The following SEMA5B variants were observed in gnomAD, a reference collection of about 807,000 sequenced individuals.
The protein encoded by SEMA5B is semaphorin-5B.
A neutral mutation model predicts 135.0 loss-of-function variants in SEMA5B; 66 were observed. The ratio of observed to expected loss-of-function variants is 0.49; its 90% confidence interval spans 0.40 to 0.60. The LOEUF is 0.60. Ranked by LOEUF, SEMA5B falls within the 20% of genes least tolerant of loss-of-function variation. The probability of loss-of-function intolerance (pLI) is 0.00; values close to 1 mark genes in which losing one functional copy is unlikely to be tolerated. For missense variants in SEMA5B, 1,501 were observed against 1,566.3 expected (o/e 0.96, Z 0.70); for synonymous variants, 690 against 639.5 (o/e 1.08, Z -1.19).
At chr3:122,931,081 G>A (rs1938948000) in intron 5 of SEMA5B, among the ~76,000 whole-genome samples, 1 of 152,010 alleles carries the variant, frequency 6.6e-6, no homozygotes, top group African/African-American at 2.4e-5. Flanking sequence ...TCAAATTAGT[G>A]ATGCACAGAG....
At chr3:122,981,590 A>G (rs1339791501) in intron 1 of SEMA5B, among the ~76,000 whole-genome samples, 2 of 152,224 alleles carry the variant, frequency 1.3e-5, no homozygotes, top group African/African-American at 2.4e-5. Flanking sequence ...CGAACTCCTG[A>G]ACAGCACACC....
At chr3:122,947,549 G>A (rs1035684742) in intron 3 of SEMA5B, among the ~76,000 whole-genome samples, 2 of 152,186 alleles carry the variant, frequency 1.3e-5, no homozygotes, top group South Asian at 2.1e-4. Flanking sequence ...GCAACGGATC[G>A]CTCTGCAGTG....
chr3:122,910,012 A>AC lies in SEMA5B; in HGVS notation c.*130dup, dbSNP rs1377407535. 1.6e-5 allele frequency: 15 copies of AC among 954,754 alleles called. No individual in the cohort carries two copies. The highest frequency in any genetic ancestry group is 1.1e-4 in the East Asian group (4 of 37,454). The allele number at this position is 954,754 out of a possible 1,614,324, so 59.1% of individuals were successfully genotyped here. ...CCAGAGCTCTCTGAAGCCGGATGGG[A>AC]CCCCCCACAGGCAAGGCAGCAAGTT... On this transcript the variant is annotated 3_prime_UTR_variant, in exon 23 of 23. Transcript: ENST00000357599.
chr3:122,994,887 C>T (rs797011071), intron 1 of SEMA5B, among the ~76,000 whole-genome samples: 14 of 152,304 alleles, frequency 9.2e-5, no homozygotes, highest in African/African-American at 3.4e-4. Context: ...ATGCTGGATC[C>T]TTTATTTCTT....
At position 122,913,041 on chromosome 3, in the gene SEMA5B, G is replaced by A. The variant is rs570827098; in HGVS notation, c.2527C>T (p.Arg843Cys). Residue 843 changes from arginine (R) to cysteine (C), a missense_variant, in exon 18 of 23, where the codon CGC (arginine) becomes TGC (cysteine). Transcript: ENST00000357599. The stretch of plus-strand genomic sequence containing the variant: ...GTGTGCGGGGAGGTGCTCCCGCTGC[G>A]CAGGAGGACCTCCACCAGGGCTGCG... ...DTDALVEVLL[R>C]SGSTSPHTVS... 2.8e-5 allele frequency: 43 copies of A among 1,556,512 alleles called. No individual in the cohort carries two copies. Among genetic ancestry groups the A allele is most frequent in the East Asian group, 1.4e-4 (6 of 41,896 alleles).
rs1002273695 is a variant in SEMA5B at position 122,919,936 on chromosome 3, G to A, written c.1688+1979C>T. Among the ~76,000 whole-genome samples the A allele has an allele frequency of 2.6e-5, 4 of 152,282 alleles. No individual in the cohort carries two copies. In the East Asian group the frequency reaches 5.8e-4, roughly 22 times the overall value. ...GCTCCCCAGCCCCTCTCTGCAGAAT[G>A]TGAGCGCAGGCCTCCCTAGCACACC... is the stretch of plus-strand genomic sequence containing the variant. On this transcript the variant is annotated intron_variant, in intron 12 of 22. Coordinates refer to ENST00000357599, the MANE Select transcript of SEMA5B (RefSeq NM_001031702.4).
chr3:123,000,080 C>T (rs1309081861), intron 1 of SEMA5B, among the ~76,000 whole-genome samples: 3 of 152,132 alleles, frequency 2.0e-5, no homozygotes, highest in African/African-American at 7.2e-5. Context: ...TGGTGGCACA[C>T]GCCTGTAGTC....
chr3:122,915,960 G>A (rs777863056), intron 12 of SEMA5B, 70 bp from the exon 13 acceptor site: 38 of 1,111,664 alleles, frequency 3.4e-5, no homozygotes, highest in Non-Finnish European at 4.8e-5. Flanking sequence ...AGGAACACAC[G>A]TGAACACTCC....
chr3:122,972,368 C>CATAAAG (rs1440358401), intron 1 of SEMA5B, among the ~76,000 whole-genome samples: 4 of 152,256 alleles, frequency 2.6e-5, no homozygotes, highest in Admixed American at 1.3e-4. Flanking sequence ...GTTCTGCTGC[C>CATAAAG]CATGTATAAA....
intron 1 of SEMA5B, among the ~76,000 whole-genome samples, chr3:122,974,143 G>A (rs1447057224): frequency 2.0e-5 from 3 of 152,238 alleles, no homozygotes; most frequent in Non-Finnish European, 4.4e-5. Context: ...TGCAGGCGGG[G>A]AGGGAGAAGC....
intron 1 of SEMA5B, among the ~76,000 whole-genome samples, chr3:123,004,048 T>A (rs922132242): frequency 6.6e-6 from 1 of 152,158 alleles, no homozygotes; most frequent in African/African-American, 2.4e-5. Flanking sequence ...ATGTATCCAT[T>A]TATGGCCCAA....
intron 12 of SEMA5B, among the ~76,000 whole-genome samples, chr3:122,921,623 T>C (rs1407749326): frequency 6.6e-6 from 1 of 152,208 alleles, no homozygotes; most frequent in Non-Finnish European, 1.5e-5. Context: ...TGGCCCTAGC[T>C]ATGTGTTTGA....
rs182036271 is a variant in SEMA5B at position 122,939,721 on chromosome 3, T to A, written c.429-251A>T. Reference sequence around the variant, plus strand: ...TGGCCCAAGTCACCAAGATAGTAAGTGAAGGAGTTAGGATTGAAACCCAGA... The same window carrying A: ...TGGCCCAAGTCACCAAGATAGTAAGAGAAGGAGTTAGGATTGAAACCCAGA... On this transcript the variant is annotated intron_variant, in intron 4 of 22. Transcript: ENST00000357599. Among the ~76,000 whole-genome samples, 3 of 152,262 alleles carry A rather than the reference T, an allele frequency of 2.0e-5. No homozygotes were observed. In the East Asian group the frequency reaches 5.8e-4, roughly 29 times the overall value.
chr3:123,022,985 G>A (rs944325275), intron 1 of SEMA5B, among the ~76,000 whole-genome samples: 4 of 152,194 alleles, frequency 2.6e-5, no homozygotes, highest in South Asian at 2.1e-4. Flanking sequence ...TGGCATACAC[G>A]AAGATCCTGT....
chr3:123,026,967 T>C (rs1244519492), intron 1 of SEMA5B: 3 of 154,404 alleles, frequency 1.9e-5, no homozygotes, highest in African/African-American at 7.2e-5. Flanking sequence ...GCGGCGGCGG[T>C]GGAGCAGGGA....
At chr3:123,003,325 C>G (rs7621170) in intron 1 of SEMA5B, among the ~76,000 whole-genome samples, 42,895 of 152,152 alleles carry the variant, frequency 0.28, 6,954 homozygotes, top group Admixed American at 0.41. Context: ...AGTTCATCCA[C>G]TCAGTATTTA....
At chr3:122,958,165 G>C (rs1421405962) in intron 2 of SEMA5B, 1 of 152,318 alleles carries the variant, frequency 6.6e-6, no homozygotes, top group African/African-American at 2.4e-5. Flanking sequence ...CTGACAGCCA[G>C]GGGCCAGGGT....
intron 1 of SEMA5B, among the ~76,000 whole-genome samples, chr3:123,013,683 A>T (rs554485332): frequency 6.6e-6 from 1 of 152,230 alleles, no homozygotes; most frequent in East Asian, 1.9e-4. Flanking sequence ...CCTCACATCT[A>T]GCTCTCTTCC....
intron 4 of SEMA5B, among the ~76,000 whole-genome samples, chr3:122,941,691 C>T (rs1010389703): frequency 2.6e-5 from 4 of 152,226 alleles, no homozygotes; most frequent in African/African-American, 9.6e-5. Context: ...TCACAAGGTT[C>T]AGAGTAGAGT....
Sources: gnomAD v4.1 joint callset for allele counts (sites outside exome capture counted in the v4.1 genomes callset) on GRCh38, gnomAD v4.1.1 for gene constraint, MANE v1.5 for transcripts, NCBI Gene and HGNC (gene_info 2026-07-23, HGNC 2026-07-21) for gene names.